Variants in ASTN2 observed in about 807,000 individuals in gnomAD.
The protein encoded by ASTN2 is astrotactin 2.
ASTN2 carries 54 observed loss-of-function variants against 139.8 expected under a neutral mutation model. That is an observed-to-expected ratio of 0.39 (90% CI 0.31 to 0.48). ASTN2 has a LOEUF of 0.48. ASTN2 is among the 20% of genes least tolerant of loss of function. ASTN2 has a pLI of 0.95. For synonymous variants in ASTN2, 756 were observed against 719.5 expected (o/e 1.05, Z -0.81); for missense variants, 1,565 against 1,725.1 (o/e 0.91, Z 1.64).
chr9:117,344,790 C>T (rs1829164263), intron 1 of ASTN2, among the ~76,000 whole-genome samples: 1 of 152,106 alleles, frequency 6.6e-6, no homozygotes, highest in African/African-American at 2.4e-5. Context: ...AGAGGGAATA[C>T]AGGGGAGGGA....
chr9:117,307,591 T>C (rs1031474050), intron 1 of ASTN2, among the ~76,000 whole-genome samples: 18 of 152,334 alleles, frequency 1.2e-4, no homozygotes, highest in Admixed American at 3.3e-4. Context: ...CATATGTACA[T>C]CATGCATGCT....
intron 19 of ASTN2, among the ~76,000 whole-genome samples, chr9:116,512,849 C>T (rs1850460459): frequency 6.6e-6 from 1 of 152,100 alleles, no homozygotes; most frequent in South Asian, 2.1e-4. Flanking sequence ...TTTCCATTTG[C>T]TTGGCAGATC....
At chr9:116,435,837 A>AT (rs1847634018) in intron 22 of ASTN2, among the ~76,000 whole-genome samples, 1 of 152,162 alleles carries the variant, frequency 6.6e-6, no homozygotes, top group African/African-American at 2.4e-5. Flanking sequence ...GTTACATTGG[A>AT]TTTTTTGGAA....
At chr9:117,336,910 T>A (rs897281198) in intron 1 of ASTN2, among the ~76,000 whole-genome samples, 2 of 152,152 alleles carry the variant, frequency 1.3e-5, no homozygotes, top group African/African-American at 4.8e-5. Context: ...AAAATAAATA[T>A]AAAACACCAC....
At chr9:116,844,023 G>A (rs1040772446) in intron 11 of ASTN2, among the ~76,000 whole-genome samples, 1 of 152,014 alleles carries the variant, frequency 6.6e-6, no homozygotes, top group African/African-American at 2.4e-5. Context: ...GAATGCTGAG[G>A]AGACAAAAAA....
chr9:116,718,612 C>G (rs1053181043), intron 16 of ASTN2, among the ~76,000 whole-genome samples: 34 of 152,092 alleles, frequency 2.2e-4, no homozygotes, highest in Admixed American at 2.6e-4. Flanking sequence ...AGATTGTCCT[C>G]CTTAATGTGA....
At chr9:116,828,609 AC>A (rs200274580) in intron 11 of ASTN2, among the ~76,000 whole-genome samples, 28 of 152,052 alleles carry the variant, frequency 1.8e-4, no homozygotes, top group African/African-American at 6.3e-4. Flanking sequence ...CCATTATCTT[AC>A]TGGGGAAAAA....
chr9:116,952,806 T>C (rs2132489308), intron 10 of ASTN2, among the ~76,000 whole-genome samples: 1 of 152,344 alleles, frequency 6.6e-6, no homozygotes, highest in Middle Eastern at 3.4e-3. Context: ...AGCTCAAGGC[T>C]GCCTTTGATT....
At chr9:116,884,191 T>C (rs1305924384) in intron 10 of ASTN2, among the ~76,000 whole-genome samples, 3 of 152,122 alleles carry the variant, frequency 2.0e-5, no homozygotes, top group African/African-American at 4.8e-5. Flanking sequence ...TAGAAGCCCA[T>C]GTCTCTTCCA....
At chr9:116,901,011 C>T (rs1833994903) in intron 10 of ASTN2, among the ~76,000 whole-genome samples, 1 of 151,902 alleles carries the variant, frequency 6.6e-6, no homozygotes, top group Non-Finnish European at 1.5e-5. Flanking sequence ...AAAATTTGTT[C>T]AAAGTTAAAC....
chr9:117,167,480 C>T (rs759947596), intron 3 of ASTN2, among the ~76,000 whole-genome samples: 19 of 152,082 alleles, frequency 1.2e-4, no homozygotes, highest in Non-Finnish European at 2.4e-4. Context: ...CAATGCCACA[C>T]TAAGGAAATG....
chr9:117,313,487 A>G (rs1005805025), intron 1 of ASTN2, among the ~76,000 whole-genome samples: 2 of 152,180 alleles, frequency 1.3e-5, no homozygotes, highest in Non-Finnish European at 1.5e-5. Flanking sequence ...GCAAAGAAGA[A>G]GATGCTTAAT....
At chr9:117,093,759 A>G (rs1049026534) in intron 5 of ASTN2, among the ~76,000 whole-genome samples, 1 of 152,216 alleles carries the variant, frequency 6.6e-6, no homozygotes, top group African/African-American at 2.4e-5. Flanking sequence ...TGTATTCAAC[A>G]ACAAAAAATT....
At chr9:117,210,329 CACAT>C (rs1832078322) in intron 3 of ASTN2, among the ~76,000 whole-genome samples, 2 of 151,806 alleles carry the variant, frequency 1.3e-5, no homozygotes, top group African/African-American at 4.8e-5. Flanking sequence ...AGAGAACACT[CACAT>C]AAATAAAATC....
intron 5 of ASTN2, among the ~76,000 whole-genome samples, chr9:117,072,192 T>C (rs1828155473): frequency 6.6e-6 from 1 of 152,232 alleles, no homozygotes; most frequent in Non-Finnish European, 1.5e-5. Flanking sequence ...GTCCGTTTGC[T>C]GAGTAATAAA....
intron 17 of ASTN2, among the ~76,000 whole-genome samples, chr9:116,643,158 C>G (rs1857421568): frequency 6.6e-6 from 1 of 152,134 alleles, no homozygotes; most frequent in African/African-American, 2.4e-5. Flanking sequence ...TATATAAATA[C>G]ACATGAAGCA....
intron 19 of ASTN2, among the ~76,000 whole-genome samples, chr9:116,497,771 A>T (rs1588115254): frequency 6.6e-6 from 1 of 151,892 alleles, no homozygotes; most frequent in Non-Finnish European, 1.5e-5. Flanking sequence ...CCCCCCAATC[A>T]CTCTTTAAGG....
intron 1 of ASTN2, among the ~76,000 whole-genome samples, chr9:117,388,619 C>A (rs988578227): frequency 1.3e-5 from 2 of 152,138 alleles, no homozygotes; most frequent in Non-Finnish European, 2.9e-5. Flanking sequence ...AACTGATAGA[C>A]CCTGTAATCT....
At chr9:116,525,309 T>G (rs1293800380) in intron 19 of ASTN2, among the ~76,000 whole-genome samples, 1 of 152,184 alleles carries the variant, frequency 6.6e-6, no homozygotes, top group Non-Finnish European at 1.5e-5. Flanking sequence ...ACCTGACTTT[T>G]TGGAACACAT....
Sources: allele counts gnomAD v4.1 joint callset (sites outside exome capture counted in the v4.1 genomes callset), GRCh38; gene constraint gnomAD v4.1.1; transcripts MANE v1.5; gene names NCBI Gene and HGNC (gene_info 2026-07-23, HGNC 2026-07-21).